NTRK3: variants seen among roughly 807,000 people sequenced by gnomAD.
NTRK3 encodes neurotrophic receptor tyrosine kinase 3.
Under a neutral mutation model 91.7 loss-of-function variants are expected in NTRK3, and 24 were observed. The ratio of observed to expected loss-of-function variants is 0.26; its 90% CI spans 0.19 to 0.37. NTRK3 has a LOEUF of 0.37. NTRK3 is among the 10% of genes least tolerant of loss of function. NTRK3 has a pLI of 1.00. For synonymous variants in NTRK3, 483 were observed against 404.0 expected (o/e 1.20, Z -2.34); for missense variants, 880 against 1,068.9 (o/e 0.82, Z 2.46).
intron 13 of NTRK3, among the ~76,000 whole-genome samples, chr15:88,101,220 A>T (rs1265457451): frequency 6.6e-6 from 1 of 152,360 alleles, no homozygotes; most frequent in South Asian, 2.1e-4. Context: ...ATGAATAGAC[A>T]CTTCTCAAAA....
chr15:88,110,360 G>C (rs2051201450), intron 13 of NTRK3, among the ~76,000 whole-genome samples: 1 of 152,188 alleles, frequency 6.6e-6, no homozygotes, highest in African/African-American at 2.4e-5. Context: ...CAAGGCAAGA[G>C]CTGTTGGATG....
At chr15:87,935,956 C>A (rs2069237388) in intron 15 of NTRK3, among the ~76,000 whole-genome samples, 1 of 152,184 alleles carries the variant, frequency 6.6e-6, no homozygotes, top group Non-Finnish European at 1.5e-5. Context: ...ACCTAATTGG[C>A]CAAACGTAGG....
intron 18 of NTRK3, 111 bp from the exon 20 acceptor site, chr15:87,877,231 A>C: frequency 1.8e-6 from 2 of 1,119,436 alleles, no homozygotes; most frequent in Non-Finnish European, 2.6e-6. Flanking sequence ...TGCAGAGCCG[A>C]GGCTCTCACA....
At chr15:87,953,149 G>A (rs533076700) in intron 14 of NTRK3, among the ~76,000 whole-genome samples, 2 of 152,220 alleles carry the variant, frequency 1.3e-5, no homozygotes, top group South Asian at 2.1e-4. Context: ...TTTCTGGCCT[G>A]TCTCCTGAAC....
At chr15:88,211,779 A>C (rs2349054) in intron 3 of NTRK3, among the ~76,000 whole-genome samples, 123,068 of 152,172 alleles carry the variant, frequency 0.81, 50,869 homozygotes, top group East Asian at 0.98. Flanking sequence ...CTGACACTAG[A>C]TCCAGAAAAG....
At chr15:88,124,432 G>T (rs1234553806) in intron 13 of NTRK3, among the ~76,000 whole-genome samples, 2 of 152,190 alleles carry the variant, frequency 1.3e-5, no homozygotes, top group Non-Finnish European at 2.9e-5. Context: ...ACAATTAATA[G>T]GAAAAATCTG....
chr15:88,038,024 A>C (rs2079223100), intron 13 of NTRK3, among the ~76,000 whole-genome samples: 1 of 152,220 alleles, frequency 6.6e-6, no homozygotes, highest in African/African-American at 2.4e-5. Context: ...GAAAGTGCAG[A>C]CTGTGGGGGA....
intron 3 of NTRK3, among the ~76,000 whole-genome samples, chr15:88,206,172 T>C (rs544938005): frequency 1.5e-3 from 213 of 143,056 alleles, no homozygotes; most frequent in Non-Finnish European, 2.3e-3. Context: ...ACCCCGTCTC[T>C]ACTAAAAATA....
chr15:88,166,516 C>T (rs1040363025), intron 5 of NTRK3, among the ~76,000 whole-genome samples: 1 of 152,180 alleles, frequency 6.6e-6, no homozygotes, highest in African/African-American at 2.4e-5. Context: ...TAGTTCACTG[C>T]CCAGGAGGAA....
At chr15:87,874,314 C>G (rs1362429657) in exon 19 of NTRK3, 1 of 231,764 alleles carries the variant, frequency 4.3e-6, no homozygotes, top group Admixed American at 5.6e-5. Flanking sequence ...CCACAGCCAG[C>G]TGCTTACAAT....
exon 19 of NTRK3, chr15:87,875,342 T>C (rs2064920517): frequency 4.3e-6 from 1 of 230,212 alleles, no homozygotes; most frequent in Non-Finnish European, 8.6e-6. Flanking sequence ...TTGGCTTCCA[T>C]GTTTCATGTG....
intron 3 of NTRK3, among the ~76,000 whole-genome samples, chr15:88,239,405 G>C (rs1378420332): frequency 6.6e-6 from 1 of 152,196 alleles, no homozygotes; most frequent in Non-Finnish European, 1.5e-5. Context: ...TTGGGGGCAA[G>C]TGGGAGCCAA....
chr15:88,037,696 G>C (rs2079189109), intron 13 of NTRK3, among the ~76,000 whole-genome samples: 1 of 152,238 alleles, frequency 6.6e-6, no homozygotes, highest in South Asian at 2.1e-4. Context: ...ACCTTAATGA[G>C]AGAAGTTTCC....
At chr15:88,033,866 A>G (rs1188163610) in intron 13 of NTRK3, among the ~76,000 whole-genome samples, 1 of 152,196 alleles carries the variant, frequency 6.6e-6, no homozygotes, top group Non-Finnish European at 1.5e-5. Context: ...GATTTTAAAA[A>G]TGACCTAGCA....
intron 17 of NTRK3, among the ~76,000 whole-genome samples, chr15:87,886,796 A>C (rs1266004571): frequency 6.7e-6 from 1 of 148,420 alleles, no homozygotes; most frequent in Non-Finnish European, 1.5e-5. Flanking sequence ...TGTGATAATC[A>C]TGTATCACAC....
intron 14 of NTRK3, among the ~76,000 whole-genome samples, chr15:87,947,841 A>G (rs1053555765): frequency 4.1e-4 from 62 of 152,206 alleles, no homozygotes; most frequent in African/African-American, 1.5e-3. Context: ...TACACATGAA[A>G]TGGAATGTCT....
At chr15:88,100,708 C>G (rs992744210) in intron 13 of NTRK3, among the ~76,000 whole-genome samples, 16 of 152,144 alleles carry the variant, frequency 1.1e-4, no homozygotes, top group Admixed American at 9.8e-4. Flanking sequence ...AAATTATAAA[C>G]TCCTCCTACC....
intron 16 of NTRK3, among the ~76,000 whole-genome samples, chr15:87,930,814 G>C (rs1200473557): frequency 6.6e-6 from 1 of 152,132 alleles, no homozygotes; most frequent in Non-Finnish European, 1.5e-5. Context: ...CAGTAGTGGA[G>C]GCTAAAGTTC....
At chr15:87,999,491 A>G (rs2075947252) in intron 14 of NTRK3, among the ~76,000 whole-genome samples, 1 of 152,230 alleles carries the variant, frequency 6.6e-6, no homozygotes, top group African/African-American at 2.4e-5. Flanking sequence ...AAGCACCTCA[A>G]ACATTTTTTG....
Sources: gnomAD v4.1 joint callset for allele counts (sites outside exome capture counted in the v4.1 genomes callset) on GRCh38, gnomAD v4.1.1 for gene constraint, MANE v1.5 for transcripts, NCBI Gene and HGNC (gene_info 2026-07-23, HGNC 2026-07-21) for gene names.